Variants in NLRP1 observed in about 807,000 individuals in gnomAD.
The protein encoded by NLRP1 is NLR family pyrin domain containing 1.
A neutral mutation model predicts 136.7 loss-of-function variants in NLRP1; 94 were observed. The ratio of observed to expected loss-of-function variants is 0.69; its 90% CI spans 0.58 to 0.82. The LOEUF is 0.82. Ranked by LOEUF, NLRP1 falls within the 40% of genes least tolerant of loss-of-function variation. The pLI, the probability that NLRP1 is intolerant of heterozygous loss-of-function variation, is 0.00. For synonymous variants in NLRP1, 690 were observed against 725.1 expected (o/e 0.95, Z 0.78); for missense variants, 1,575 against 1,802.7 (o/e 0.87, Z 2.29).
At chr17:5,560,195 G>T in intron 3 of NLRP1, 152 bp from the exon 4 acceptor site, 1 of 717,586 alleles carries the variant, frequency 1.4e-6, no homozygotes, top group Non-Finnish European at 2.2e-6. Context: ...AAGGACATGT[G>T]CTTTGGGGTA....
exon 16 of NLRP1, chr17:5,501,550 G>C (rs201594203): frequency 8.0e-6 from 3 of 375,752 alleles, no homozygotes; most frequent in African/African-American, 6.1e-5. Context: ...TCAAGAATTG[G>C]TGCATTTCTC....
chr17:5,583,375 G>T lies in NLRP1; in HGVS notation c.271+312C>A, dbSNP rs892884502. ...AGAGCAGTGAAGTGATTGGCCCAGG[G>T]TGATAGTGCCAGGACTGGTGATAGT... On this transcript the variant is annotated intron_variant, in intron 1 of 16. Coordinates refer to ENST00000572272, the MANE Select transcript of NLRP1 (RefSeq NM_033004.4). This position sits in a 1 kb window ranked among gnomAD's most constrained non-coding sequence, Gnocchi z 4.5. 3.9e-5 allele frequency among the ~76,000 whole-genome samples: 6 copies of T among 152,184 alleles called. No individual in the cohort carries two copies. Among genetic ancestry groups the T allele is most frequent in the African/African-American group, 1.4e-4 (6 of 41,432 alleles).
Position 5,521,719 on chromosome 17 carries a change from C to G in NLRP1, c.3588G>C (p.Lys1196Asn), listed in dbSNP as rs758345242. 1.2e-6 allele frequency: 2 copies of G among 1,613,350 alleles called. No homozygotes were observed. Among genetic ancestry groups the G allele is most frequent in the Admixed American group, 3.3e-5 (2 of 60,026 alleles). Residue 1196 changes from lysine to asparagine, a missense_variant, in exon 13 of 17, where the codon AAG (lysine) becomes AAC (asparagine). By Grantham distance (94) the Lys-to-Asn change is moderately conservative (BLOSUM62 0). Coordinates refer to ENST00000572272, the MANE Select transcript of NLRP1 (RefSeq NM_033004.4). Reference protein sequence around the residue: ...HFKEEGMLLEKPARVELHHIV... With the variant: ...HFKEEGMLLENPARVELHHIV... ...TGTGATGCAGCTCCACCCTGGCTGG[C>G]TTCTCCAGGAGCATCCCCTCCTCTT...
chr17:5,539,715 C>G (rs1911611450), intron 6 of NLRP1, 130 bp from the exon 7 acceptor site: 4 of 1,404,526 alleles, frequency 2.8e-6, no homozygotes, highest in Non-Finnish European at 3.7e-6. Context: ...AGAGAAGATA[C>G]AAACTTTCCT....
In NLRP1 at chr17:5,529,137, T is replaced by G. The variant is rs867751787; in HGVS notation, c.3520+1344A>C. 2.0e-5 allele frequency among the ~76,000 whole-genome samples: 3 copies of G among 152,300 alleles called. No homozygotes were observed. In the Middle Eastern group the frequency reaches 0.01, roughly 518 times the overall value. On this transcript the variant is annotated intron_variant, in intron 12 of 16. Coordinates refer to ENST00000572272, the MANE Select transcript of NLRP1 (RefSeq NM_033004.4). ...ACTTTCTTATTCTGTAGTTTCACAT[T>G]AATGAGACTAATCTTGATTTTTTCT... is the stretch of plus-strand genomic sequence containing the variant.
chr17:5,532,678 CTGCCTG>C, intron 11 of NLRP1, 138 bp downstream of exon 11: 1 of 598,768 alleles, frequency 1.7e-6, no homozygotes. Context: ...AGCCCTGTCT[CTGCCTG>C]TTGTCTTGGC....
intron 14 of NLRP1, 167 bp from the exon 15 acceptor site, chr17:5,518,054 G>T: frequency 1.6e-6 from 1 of 634,550 alleles, no homozygotes; most frequent in Non-Finnish European, 2.7e-6. Flanking sequence ...ATTTTCCACA[G>T]AAGGATGAGG....
intron 12 of NLRP1, among the ~76,000 whole-genome samples, chr17:5,527,638 T>C (rs1182845293): frequency 6.6e-6 from 1 of 152,158 alleles, no homozygotes; most frequent in Non-Finnish European, 1.5e-5. Flanking sequence ...AAAGAGATGA[T>C]ATTAATATAT....
rs1450516398 is a variant in NLRP1, at chr17:5,541,126, T to C, written c.2699+731A>G. 6.6e-6 allele frequency among the ~76,000 whole-genome samples: 1 copy of C among 152,136 alleles called. No homozygotes were observed. Among genetic ancestry groups the C allele is most frequent in the Non-Finnish European group, 1.5e-5 (1 of 68,034 alleles). ...ATGAGGTGATTTCAGCTCACTGCAA[T>C]GCCTACCTTCTGTGTTCAAGCAATT... On this transcript the variant is annotated intron_variant, in intron 6 of 16. Coordinates refer to ENST00000572272, the MANE Select transcript of NLRP1 (RefSeq NM_033004.4). This position sits in a 1 kb window ranked among gnomAD's most constrained non-coding sequence, Gnocchi z 4.2.
intron 3 of NLRP1, among the ~76,000 whole-genome samples, chr17:5,574,660 CTTTT>C (rs1169415443): frequency 2.2e-5 from 3 of 134,416 alleles, no homozygotes; most frequent in Admixed American, 7.6e-5. Flanking sequence ...ATTCAACATT[CTTTT>C]TTTTTTTTTT....
intron 3 of NLRP1, among the ~76,000 whole-genome samples, chr17:5,569,157 G>A (rs1483194895): frequency 6.6e-6 from 1 of 152,076 alleles, no homozygotes; most frequent in Non-Finnish European, 1.5e-5. Flanking sequence ...ACCATCACTG[G>A]CCACCATAAA....
At position 5,553,565 on chromosome 17, in the gene NLRP1, G is replaced by C. The variant is rs1407524010; in HGVS notation, c.2358-9C>G. On this transcript the variant is annotated splice_polypyrimidine_tract_variant and intron_variant, in intron 4 of 16. Transcript: ENST00000572272. ...CTGGGACCCACCTGAACCTGAGGGG[G>C]AGAGAGAAGGACAGGAGAGATGTGA... is the stretch of plus-strand genomic sequence containing the variant. 1 of 1,611,974 alleles carries C rather than the reference G, an allele frequency of 6.2e-7. No individual in the cohort carries two copies. The highest frequency in any genetic ancestry group is 1.3e-5 in the African/African-American group (1 of 74,932).
At chr17:5,522,279 C>A (rs1207522594) in intron 12 of NLRP1, among the ~76,000 whole-genome samples, 2 of 152,200 alleles carry the variant, frequency 1.3e-5, no homozygotes, top group African/African-American at 4.8e-5. Flanking sequence ...TTCTAACCCC[C>A]AAGGTGATGG....
chr17:5,575,074 G>A (rs558990796), intron 3 of NLRP1, among the ~76,000 whole-genome samples: 43 of 152,230 alleles, frequency 2.8e-4, no homozygotes, highest in African/African-American at 1.0e-3. Flanking sequence ...AGCAAATGCT[G>A]AGAGATTTTG....
intron 12 of NLRP1, among the ~76,000 whole-genome samples, chr17:5,524,856 G>A (rs1312412633): frequency 2.0e-5 from 3 of 152,168 alleles, no homozygotes; most frequent in Non-Finnish European, 2.9e-5. Context: ...GTGACCAACT[G>A]TCCATGCTTG....
At position 5,542,028 on chromosome 17, in the gene NLRP1, C is replaced by G; in HGVS notation, c.2529-1G>C. The G allele has an allele frequency of 6.2e-7, 1 of 1,612,374 alleles. No individual in the cohort carries two copies. The highest frequency in any genetic ancestry group is 8.5e-7 in the Non-Finnish European group (1 of 1,179,430). ...AGCTGTGAGGCCACAGCCAGCCAACCTGTGGAAGACACACACCCATGGTCT... is the reference window on the plus strand; with the variant it reads ...AGCTGTGAGGCCACAGCCAGCCAACGTGTGGAAGACACACACCCATGGTCT... On this transcript the variant is annotated splice_acceptor_variant, in intron 5 of 16. Coordinates refer to ENST00000572272, the MANE Select transcript of NLRP1 (RefSeq NM_033004.4). LOFTEE classifies it high-confidence loss of function.
At chr17:5,582,278 T>C (rs144626077) in intron 2 of NLRP1, among the ~76,000 whole-genome samples, 22 of 152,258 alleles carry the variant, frequency 1.4e-4, no homozygotes, top group African/African-American at 4.6e-4. Context: ...CCTAGCCTCT[T>C]CTTGGGGTCT....
downstream of NLRP1, chr17:5,511,946 T>C: frequency 2.3e-6 from 1 of 427,548 alleles, no homozygotes; most frequent in Admixed American, 3.5e-5. Flanking sequence ...TACAGTATAG[T>C]CCTGGCTACA....
intron 8 of NLRP1, among the ~76,000 whole-genome samples, chr17:5,535,463 C>T (rs1309712451): frequency 6.6e-6 from 1 of 152,172 alleles, no homozygotes; most frequent in African/African-American, 2.4e-5. Flanking sequence ...CCTTCTTGGG[C>T]CCAGCCAACC....
Sources: gnomAD v4.1 joint callset for allele counts (sites outside exome capture counted in the v4.1 genomes callset) on GRCh38, gnomAD v4.1.1 for gene constraint, Gnocchi (gnomAD v3.1) non-coding constraint, MANE v1.5 for transcripts, NCBI Gene and HGNC (gene_info 2026-07-23, HGNC 2026-07-21) for gene names.